The following TDRD1 variants were observed in gnomAD, a reference collection of about 807,000 sequenced individuals.
The protein encoded by TDRD1 is tudor domain-containing protein 1.
Under a neutral mutation model 140.6 loss-of-function variants are expected in TDRD1, and 37 were observed. That is an observed-to-expected ratio of 0.26 (90% confidence interval 0.20 to 0.35). TDRD1 has a LOEUF of 0.35. Among genes scored for constraint, TDRD1 ranks in the 10% least tolerant of loss-of-function variants. TDRD1 has a pLI of 1.00. For missense variants in TDRD1, 1,243 were observed against 1,393.0 expected, an observed-to-expected ratio of 0.89 and a Z score of 1.71; for synonymous variants, 506 against 475.7, an observed-to-expected ratio of 1.06 and a Z score of -0.83.
At chr10:114,206,465 G>C (rs1564950878) in intron 11 of TDRD1, 135 bp downstream of exon 11, 3 of 610,066 alleles carry the variant, frequency 4.9e-6, no homozygotes, top group East Asian at 2.8e-5. Flanking sequence ...TAAATACGCT[G>C]TTTTATATTT....
exon 3 of TDRD1, chr10:114,191,002 C>T: frequency 1.2e-6 from 2 of 1,613,976 alleles, no homozygotes; most frequent in Non-Finnish European, 1.7e-6. Flanking sequence ...TAATTCACCA[C>T]CCAAAGAAGT....
chr10:114,210,929 A>G (rs1444467668), exon 13 of TDRD1: 1 of 1,614,118 alleles, frequency 6.2e-7, no homozygotes, highest in Non-Finnish European at 8.5e-7. Flanking sequence ...TCTGATTTTT[A>G]TCCAGCCATT....
In TDRD1 at chr10:114,227,080, G is replaced by T; in HGVS notation, c.3184G>T (p.Glu1062Ter). The stretch of plus-strand genomic sequence containing the variant: ...ATATCTATTTTTTCCAGGATTAATG[G>T]AATTGAATGGAAGCTCTTCTCAATT... The change falls in exon 23 of 26, where the codon GAA becomes TAA. Residue 1062 changes from glutamate to a stop codon, truncating the protein, a stop_gained. Coordinates refer to ENST00000251864, the Ensembl canonical transcript of TDRD1. LOFTEE classifies it high-confidence loss of function. 1 of 1,502,606 alleles carries T rather than the reference G, an allele frequency of 6.7e-7. No individual in the cohort carries two copies. The highest frequency in any genetic ancestry group is 1.1e-5 in the South Asian group (1 of 87,170). 93.1% of individuals were successfully genotyped at this position (1,502,606 alleles called of 1,614,324 possible). A position where few individuals can be genotyped will look rare whatever the true frequency, so the allele number is the denominator to read the frequency against.
intron 3 of TDRD1, among the ~76,000 whole-genome samples, chr10:114,197,837 C>T (rs529009238): frequency 5.3e-5 from 8 of 151,792 alleles, no homozygotes; most frequent in African/African-American, 1.2e-4. Flanking sequence ...TTTGTATTTT[C>T]GTAGAGATGG....
chr10:114,232,480 C>T (rs2036807168), downstream of TDRD1, among the ~76,000 whole-genome samples: 1 of 150,322 alleles, frequency 6.7e-6, no homozygotes, highest in African/African-American at 2.4e-5. Flanking sequence ...ATGTTTCTCA[C>T]CAACTCAGCA....
At chr10:114,220,737 G>A (rs1564691747) in exon 19 of TDRD1, 1 of 1,610,358 alleles carries the variant, frequency 6.2e-7, no homozygotes, top group African/African-American at 1.3e-5. Context: ...GTGATGTTCT[G>A]ATTGATGAAC....
intron 2 of TDRD1, among the ~76,000 whole-genome samples, chr10:114,190,083 G>A (rs1336684888): frequency 1.3e-5 from 2 of 152,102 alleles, no homozygotes; most frequent in African/African-American, 4.8e-5. Context: ...TCTCCGGGAG[G>A]CCAAACTTTT....
At chr10:114,206,416 T>A in intron 11 of TDRD1, 86 bp downstream of exon 11, 1 of 932,550 alleles carries the variant, frequency 1.1e-6, no homozygotes, top group Non-Finnish European at 1.7e-6. Context: ...ACTTTAGCAC[T>A]GTTAAGACTT....
At chr10:114,232,066 ATCT>A (rs988542121) in exon 26 of TDRD1, 7 of 151,394 alleles carry the variant, frequency 4.6e-5, no homozygotes, top group Admixed American at 2.0e-4. Context: ...CATGTTTGTT[ATCT>A]TCTTTTTCTG....
intron 25 of TDRD1, among the ~76,000 whole-genome samples, chr10:114,231,184 C>T (rs2036733331): frequency 6.6e-6 from 1 of 151,916 alleles, no homozygotes; most frequent in Non-Finnish European, 1.5e-5. Flanking sequence ...AACATAAAAC[C>T]CTCTGTAATC....
At chr10:114,227,365 T>A in intron 23 of TDRD1, 66 bp downstream of exon 23, 2 of 1,179,100 alleles carry the variant, frequency 1.7e-6, no homozygotes, top group South Asian at 2.6e-5. Flanking sequence ...ATCAATTTAG[T>A]TGACTTGACC....
chr10:114,212,380 G>T (rs1251270779), intron 14 of TDRD1, among the ~76,000 whole-genome samples: 2 of 152,134 alleles, frequency 1.3e-5, no homozygotes, highest in Non-Finnish European at 2.9e-5. Context: ...AGGTCAGTAA[G>T]TCTCCTTCTT....
intron 14 of TDRD1, among the ~76,000 whole-genome samples, chr10:114,212,481 T>C (rs978816587): frequency 6.6e-5 from 10 of 152,210 alleles, no homozygotes; most frequent in Admixed American, 6.5e-4. Context: ...GAGTCCATTC[T>C]CATACACATT....
chr10:114,195,063 G>A (rs1279648403), intron 3 of TDRD1, among the ~76,000 whole-genome samples: 2 of 151,908 alleles, frequency 1.3e-5, no homozygotes, highest in Non-Finnish European at 2.9e-5. Flanking sequence ...CCCAGCCTCA[G>A]TGTATCTTTT....
intron 14 of TDRD1, among the ~76,000 whole-genome samples, 176 bp downstream of exon 14, chr10:114,212,212 TAG>T (rs2035530485): frequency 6.6e-6 from 1 of 152,188 alleles, no homozygotes; most frequent in African/African-American, 2.4e-5. Context: ...CCATGTCAAT[TAG>T]TTGGCTTCAT....
intron 18 of TDRD1, among the ~76,000 whole-genome samples, chr10:114,219,608 AT>A (rs2036022108): frequency 1.5e-5 from 2 of 131,340 alleles, no homozygotes; most frequent in Non-Finnish European, 1.6e-5. Context: ...TTTTTTTGAG[AT>A]GGGGTTTCAC....
Position 114,210,261 on chromosome 10 carries a change from A to C in TDRD1, c.1385-320A>C, listed in dbSNP as rs192987070. Among the ~76,000 whole-genome samples the C allele has an allele frequency of 1.4e-3, 217 of 152,322 alleles. 1 individual carries two copies. The highest frequency in any genetic ancestry group is 0.012 in the Admixed American group (184 of 15,300). Reference sequence around the variant, plus strand: ...TTCTACTTGAGTATAATGAGACGATATCTATTCCAAATTACATTTTCTTGA... The same window carrying C: ...TTCTACTTGAGTATAATGAGACGATCTCTATTCCAAATTACATTTTCTTGA... On this transcript the variant is annotated intron_variant, in intron 11 of 25. Coordinates refer to ENST00000251864, the Ensembl canonical transcript of TDRD1.
At chr10:114,186,065 GATTCT>G in intron 1 of TDRD1, among the ~76,000 whole-genome samples, 1 of 152,190 alleles carries the variant, frequency 6.6e-6, no homozygotes, top group Middle Eastern at 3.4e-3. Flanking sequence ...ACTTGGGCTT[GATTCT>G]GTGATCTTAC....
At chr10:114,215,670 T>G (rs544958562) in intron 16 of TDRD1, among the ~76,000 whole-genome samples, 4 of 152,354 alleles carry the variant, frequency 2.6e-5, no homozygotes, top group African/African-American at 9.6e-5. Context: ...ATTTGTCATT[T>G]CTTCATTCAG....
Sources: allele counts gnomAD v4.1 joint callset (sites outside exome capture counted in the v4.1 genomes callset), GRCh38; gene constraint gnomAD v4.1.1; transcripts MANE v1.5; gene names NCBI Gene and HGNC (gene_info 2026-07-23, HGNC 2026-07-21).